The following ART4 variants were observed in gnomAD, a reference collection of about 807,000 sequenced individuals.
ART4 encodes the protein ADP-ribosyltransferase 4 (inactive) (Dombrock blood group).
A neutral mutation model predicts 24.2 loss-of-function variants in ART4; 14 were observed. That is an observed-to-expected ratio of 0.58 (90% CI 0.38 to 0.90). The LOEUF is 0.90. Among genes scored for constraint, ART4 ranks in the 40% least tolerant of loss-of-function variants. The pLI, the probability that ART4 is intolerant of heterozygous loss-of-function variation, is 0.00. For missense variants in ART4, 356 were observed against 366.6 expected (o/e 0.97, Z 0.24); for synonymous variants, 145 against 139.9 (o/e 1.04, Z -0.26).
Position 14,840,799 on chromosome 12 carries a change from T to C in ART4, c.499A>G (p.Ile167Val). The C allele has an allele frequency of 1.2e-6, 2 of 1,614,146 alleles. No individual in the cohort carries two copies. Among genetic ancestry groups the C allele is most frequent in the Non-Finnish European group, 1.7e-6 (2 of 1,180,000 alleles). ...KYLHYYLTSA[I>V]QLLRKDSIME... is the part of the protein sequence containing the mutation. ...ATGCTGTCTTTCCTCAGCAGCTGGA[T>C]TGCTGAGGTGAGGTAGTAGTGTAAA... The change falls in exon 2 of 3, where the codon ATC becomes GTC. Residue 167 changes from isoleucine to valine, a missense_variant. Coordinates refer to ENST00000228936, the MANE Select transcript of ART4 (RefSeq NM_021071.4).
chr12:14,834,026 T>C (rs896000453), intron 2 of ART4, among the ~76,000 whole-genome samples: 5 of 152,200 alleles, frequency 3.3e-5, no homozygotes, highest in African/African-American at 1.2e-4. Flanking sequence ...AGTTTCTCAG[T>C]TGTGTTTGAA....
chr12:14,840,761 G>A lies in ART4; in HGVS notation c.537C>T (p.Gly179=). ...LLRKDSIMEN[G]TLCYEVHYRT... Reference sequence around the variant, plus strand: ...TATAATGCACCTCATAGCACAGAGTGCCATTCTCCATGATGCTGTCTTTCC... The same window carrying A: ...TATAATGCACCTCATAGCACAGAGTACCATTCTCCATGATGCTGTCTTTCC... The change falls in exon 2 of 3, where the codon GGC becomes GGT. Residue 179 remains glycine (G), a synonymous_variant. Coordinates refer to ENST00000228936, the MANE Select transcript of ART4 (RefSeq NM_021071.4). The A allele has an allele frequency of 6.2e-7, 1 of 1,614,150 alleles. No homozygotes were observed.
chr12:14,840,828 T>G lies in ART4; in HGVS notation c.470A>C (p.Lys157Thr). 1.9e-6 allele frequency: 3 copies of G among 1,614,204 alleles called. No individual in the cohort carries two copies. Among genetic ancestry groups the G allele is most frequent in the Non-Finnish European group, 2.5e-6 (3 of 1,180,026 alleles). ...PQQYERSFHF[K>T]YLHYYLTSAI... ...TGAGGTGAGGTAGTAGTGTAAATAT[T>G]TGAAGTGGAATGAACGTTCATACTG... Residue 157 changes from lysine to threonine, a missense_variant, in exon 2 of 3, where the codon AAA (lysine) becomes ACA (threonine). Coordinates refer to ENST00000228936, the MANE Select transcript of ART4 (RefSeq NM_021071.4).
At chr12:14,832,392 G>A (rs1456134232) in intron 2 of ART4, among the ~76,000 whole-genome samples, 1 of 151,864 alleles carries the variant, frequency 6.6e-6, no homozygotes, top group Non-Finnish European at 1.5e-5. Context: ...TTTCAACCTT[G>A]GCTCAAATGT....
At chr12:14,842,600 A>G (rs1411968619) in intron 1 of ART4, among the ~76,000 whole-genome samples, 1 of 152,210 alleles carries the variant, frequency 6.6e-6, no homozygotes. Flanking sequence ...GTTTTTTGTT[A>G]CACAGATCTT....
chr12:14,826,988 G>A lies in ART4; in HGVS notation c.*2383C>T, dbSNP rs529916607. The A allele has an allele frequency of 6.6e-6, 1 of 151,638 alleles. No homozygotes were observed. The highest frequency in any genetic ancestry group is 2.4e-5 in the African/African-American group (1 of 41,280). 9.4% of individuals were successfully genotyped at this position (151,638 alleles called of 1,614,324 possible). On this transcript the variant is annotated 3_prime_UTR_variant, in exon 3 of 3. Coordinates refer to ENST00000228936, the MANE Select transcript of ART4 (RefSeq NM_021071.4). ...GCCTCTTACTTAAAGCCTTCCGGGT[G>A]TCTCTTCTTGCCTCAGTTGGAAGAA...
intron 2 of ART4, among the ~76,000 whole-genome samples, chr12:14,831,869 C>G (rs1950397989): frequency 6.6e-6 from 1 of 152,112 alleles, no homozygotes; most frequent in Non-Finnish European, 1.5e-5. Flanking sequence ...GCTTCTCCAT[C>G]TCAGTGAGTG....
chr12:14,832,059 C>T (rs1190264666), intron 2 of ART4, among the ~76,000 whole-genome samples: 1 of 152,070 alleles, frequency 6.6e-6, no homozygotes, highest in Non-Finnish European at 1.5e-5. Flanking sequence ...TAGCCCCCTA[C>T]TTGGTTTCTC....
rs569848870 is a variant in ART4, at chr12:14,843,471, C to G, written c.-358G>C. The stretch of plus-strand genomic sequence containing the variant: ...GTCAGACTCAGCAGTTCAGCCTTCC[C>G]TTTCCCAGCCAAACAGGAAAAAGCA... On this transcript the variant is annotated 5_prime_UTR_variant, in exon 1 of 3. Transcript: ENST00000228936. 5.7e-6 allele frequency: 1 copy of G among 176,840 alleles called. No individual in the cohort carries two copies. The highest frequency in any genetic ancestry group is 2.4e-5 in the African/African-American group (1 of 42,092). 11.0% of individuals were successfully genotyped at this position (176,840 alleles called of 1,614,324 possible). A position where few individuals can be genotyped will look rare whatever the true frequency, so the allele number is the denominator to read the frequency against.
rs1950366397 is a variant in ART4 at position 14,827,429 on chromosome 12, TCTCA to T, written c.*1938_*1941del. 6.6e-6 allele frequency: 1 copy of T among 152,412 alleles called. No homozygotes were observed. The highest frequency in any genetic ancestry group is 1.5e-5 in the Non-Finnish European group (1 of 68,270). 9.4% of individuals were successfully genotyped at this position (152,412 alleles called of 1,614,324 possible). On this transcript the variant is annotated 3_prime_UTR_variant, in exon 3 of 3. Coordinates refer to ENST00000228936, the MANE Select transcript of ART4 (RefSeq NM_021071.4). ...CTTTTTTTCTTTTTTTGAGATCGAGTCTCACTCTGTTGCCCAGGCTGGAGTGCAG... is the reference window on the plus strand; with the variant it reads ...CTTTTTTTCTTTTTTTGAGATCGAGTCTCTGTTGCCCAGGCTGGAGTGCAG...
chr12:14,829,525 C>T, intron 2 of ART4, 63 bp from the exon 3 acceptor site: 1 of 1,137,616 alleles, frequency 8.8e-7, no homozygotes, highest in Non-Finnish European at 1.3e-6. Flanking sequence ...ACTACCTCAT[C>T]TATCCATTGA....
chr12:14,829,841 G>T (rs1012541155), intron 2 of ART4, among the ~76,000 whole-genome samples: 1 of 152,116 alleles, frequency 6.6e-6, no homozygotes, highest in East Asian at 1.9e-4. Context: ...GATCTATTTC[G>T]AGCCCTTGCT....
chr12:14,830,933 T>G lies in ART4; in HGVS notation c.854-1471A>C, dbSNP rs562133561. ...TTTAGCAGGTCAATCATTAGAATGG[T>G]TCTCAAACGATTTTTGTTTTTTTTT... On this transcript the variant is annotated intron_variant, in intron 2 of 2. Transcript: ENST00000228936. 2.8e-4 allele frequency among the ~76,000 whole-genome samples: 43 copies of G among 151,270 alleles called. No individual in the cohort carries two copies. The South Asian group carries it at 8.8e-3, about 31-fold the overall frequency.
chr12:14,840,548 AT>A lies in ART4; in HGVS notation c.749del (p.Tyr250LeufsTer7), dbSNP rs1639929807. 1 of 1,614,034 alleles carries A rather than the reference AT, an allele frequency of 6.2e-7. No homozygotes were observed. Among genetic ancestry groups the A allele is most frequent in the Non-Finnish European group, 8.5e-7 (1 of 1,180,020 alleles). On this transcript the variant is annotated frameshift_variant, in exon 2 of 3. Coordinates refer to ENST00000228936, the MANE Select transcript of ART4 (RefSeq NM_021071.4). LOFTEE classifies it high-confidence loss of function. The part of the protein sequence containing the change: ...SLKKEVLIPP[Y>X]ELFKVINMSY... ...TCATATTTATAACTTTAAACAGCTC[AT>A]AGGGAGGGATCAAGACTTCCTTCTT... is the stretch of plus-strand genomic sequence containing the variant.
In ART4 at chr12:14,843,008, G is replaced by C; in HGVS notation, c.106C>G (p.Leu36Val). The C allele has an allele frequency of 6.2e-7, 1 of 1,613,940 alleles. No homozygotes were observed. The change falls in exon 1 of 3, where the codon CTC becomes GTC. Residue 36 changes from leucine to valine, a missense_variant. By Grantham distance (32) the Leu-to-Val change is conservative (BLOSUM62 1). Coordinates refer to ENST00000228936, the MANE Select transcript of ART4 (RefSeq NM_021071.4). ...GTGGGTCTCTGCAGGCCAGAGAGGA[G>C]CAGCAGGAATGGCAGCAGGCCTCCA... ...LLGGLLPFLL[L>V]LSGLQRPTEG...
At position 14,830,679 on chromosome 12, in the gene ART4, A is replaced by G. The variant is rs1482268264; in HGVS notation, c.854-1217T>C. ...TATATATATATATATATATATATAT[A>G]TATATATATATATATATATACAGTA... On this transcript the variant is annotated intron_variant, in intron 2 of 2. Transcript: ENST00000228936. Among the ~76,000 whole-genome samples, 15 of 111,042 alleles carry G rather than the reference A, an allele frequency of 1.4e-4. No individual in the cohort carries two copies. In the East Asian group the frequency reaches 1.9e-3, roughly 14 times the overall value. 72.8% of individuals were successfully genotyped at this position (111,042 alleles called of 152,430 possible). A position where few individuals can be genotyped will look rare whatever the true frequency, so the allele number is the denominator to read the frequency against.
intron 2 of ART4, among the ~76,000 whole-genome samples, chr12:14,830,521 G>A (rs1325581858): frequency 8.8e-6 from 1 of 114,008 alleles, no homozygotes; most frequent in Non-Finnish European, 1.8e-5. Flanking sequence ...TAGTTTTTTG[G>A]AATTTCTATA....
Position 14,840,480 on chromosome 12 carries a change from C to T in ART4, c.818G>A (p.Gly273Glu). 1.2e-6 allele frequency: 2 copies of T among 1,613,522 alleles called. No homozygotes were observed. Among genetic ancestry groups the T allele is most frequent in the Non-Finnish European group, 1.7e-6 (2 of 1,179,804 alleles). The change falls in exon 2 of 3, where the codon GGG becomes GAG. Residue 273 changes from glycine (G) to glutamate (E), a missense_variant. Gly to Glu is a moderately conservative substitution (Grantham distance 98). Coordinates refer to ENST00000228936, the MANE Select transcript of ART4 (RefSeq NM_021071.4). ...RGDWLQLRST[G>E]NLSTYNCQLL... ...CTGACAGTTATATGTGCTCAGGTTC[C>T]CAGTTGACCTCAACTGCAACCAGTC...
At chr12:14,838,898 T>G (rs1241316834) in intron 2 of ART4, among the ~76,000 whole-genome samples, 1 of 130,616 alleles carries the variant, frequency 7.7e-6, no homozygotes, top group Non-Finnish European at 1.7e-5. Context: ...ATATGAACAG[T>G]CTTTTTTTTT....
Sources: gnomAD v4.1 joint callset for allele counts (sites outside exome capture counted in the v4.1 genomes callset) on GRCh38, gnomAD v4.1.1 for gene constraint, MANE v1.5 for transcripts, NCBI Gene and HGNC (gene_info 2026-07-23, HGNC 2026-07-21) for gene names.